The following SYT16 variants were observed in gnomAD, a reference collection of about 807,000 sequenced individuals.
The protein encoded by SYT16 is synaptotagmin-16.
SYT16 carries 42 observed loss-of-function variants against 61.4 expected under a neutral mutation model. That is an observed-to-expected ratio of 0.68 (90% CI 0.53 to 0.89). The LOEUF (loss-of-function observed/expected upper bound fraction) is 0.89. Among genes scored for constraint, SYT16 ranks in the 40% least tolerant of loss-of-function variants. The pLI is 0.00. For synonymous variants in SYT16, 314 were observed against 302.3 expected, an observed-to-expected ratio of 1.04 and a Z score of -0.40; for missense variants, 804 against 807.3, an observed-to-expected ratio of 1.00 and a Z score of 0.05.
chr14:61,993,378 A>G (rs1307913736), intron 2 of SYT16, among the ~76,000 whole-genome samples: 1 of 152,152 alleles, frequency 6.6e-6, no homozygotes, highest in Non-Finnish European at 1.5e-5. Flanking sequence ...ATGTATACCT[A>G]TGTAACAAAC....
chr14:62,050,447 C>G (rs1371031935), intron 3 of SYT16, among the ~76,000 whole-genome samples: 1 of 152,082 alleles, frequency 6.6e-6, no homozygotes, highest in Non-Finnish European at 1.5e-5. Flanking sequence ...GTAGTTTGAT[C>G]TTCTGAAGAC....
chr14:62,067,052 G>T (rs1273162556), intron 3 of SYT16, among the ~76,000 whole-genome samples: 4 of 152,104 alleles, frequency 2.6e-5, no homozygotes, highest in African/African-American at 9.7e-5. Context: ...CCTGACTAGT[G>T]TATATAGGGG....
chr14:61,906,049 CCAGCCATGGA>C (rs1361448814), intron 1 of SYT16, among the ~76,000 whole-genome samples: 4 of 152,202 alleles, frequency 2.6e-5, no homozygotes, highest in African/African-American at 9.7e-5. Flanking sequence ...GCCACCGCGC[CCAGCCATGGA>C]CTTCTCTTAT....
At chr14:61,988,218 T>C (rs543451091) in intron 2 of SYT16, among the ~76,000 whole-genome samples, 1 of 152,304 alleles carries the variant, frequency 6.6e-6, no homozygotes, top group South Asian at 2.1e-4. Flanking sequence ...CTCATTTTGG[T>C]TGGGGTTTTA....
At chr14:62,044,664 G>A (rs1280355934) in intron 3 of SYT16, among the ~76,000 whole-genome samples, 1 of 152,136 alleles carries the variant, frequency 6.6e-6, no homozygotes, top group Non-Finnish European at 1.5e-5. Flanking sequence ...ATATTCCATT[G>A]TGTATATGTG....
intron 5 of SYT16, among the ~76,000 whole-genome samples, chr14:62,075,674 GCTTTT>G (rs36209930): frequency 0.24 from 36,131 of 150,342 alleles, 4,439 homozygotes; most frequent in South Asian, 0.34. Flanking sequence ...GAACAGCCAG[GCTTTT>G]CTTTTATATA....
intron 1 of SYT16, among the ~76,000 whole-genome samples, chr14:61,940,537 C>T (rs577897554): frequency 4.6e-4 from 70 of 152,258 alleles, no homozygotes; most frequent in Non-Finnish European, 9.0e-4. Flanking sequence ...TTGGATAAGT[C>T]ATTCTCTAAG....
chr14:61,864,653 C>A (rs534835869), intron 1 of SYT16, among the ~76,000 whole-genome samples: 1 of 152,246 alleles, frequency 6.6e-6, no homozygotes, highest in Non-Finnish European at 1.5e-5. Flanking sequence ...GAGTGCGGTA[C>A]TCTCAGGCCC....
intron 1 of SYT16, among the ~76,000 whole-genome samples, chr14:61,874,352 C>A (rs1213000902): frequency 6.6e-6 from 1 of 152,136 alleles, no homozygotes; most frequent in Non-Finnish European, 1.5e-5. Flanking sequence ...GATGTGAATG[C>A]CACATATCTG....
At chr14:62,032,144 A>C (rs1386959884) in intron 3 of SYT16, among the ~76,000 whole-genome samples, 1 of 152,196 alleles carries the variant, frequency 6.6e-6, no homozygotes, top group Admixed American at 6.6e-5. Context: ...AAAAGAAAGC[A>C]TGTGACATTG....
Position 62,111,139 on chromosome 14 carries a change from C to T in SYT16, c.*10432C>T, listed in dbSNP as rs1431501918. The T allele has an allele frequency of 6.6e-6, 1 of 152,090 alleles. No individual in the cohort carries two copies. Among genetic ancestry groups the T allele is most frequent in the African/African-American group, 2.4e-5 (1 of 41,460 alleles). The allele number at this position is 152,090 out of a possible 1,614,324, so 9.4% of individuals were successfully genotyped here. A position where few individuals can be genotyped will look rare whatever the true frequency, so the allele number is the denominator to read the frequency against. ...GGCATCTGAAACAGTTGTTCACATT[C>T]ACACATTTATGTTTCACCATATGCA... On this transcript the variant is annotated 3_prime_UTR_variant, in exon 8 of 8. Transcript: ENST00000683842.
At chr14:61,890,389 G>A (rs968834535) in intron 1 of SYT16, among the ~76,000 whole-genome samples, 4 of 151,844 alleles carry the variant, frequency 2.6e-5, no homozygotes, top group African/African-American at 4.8e-5. Flanking sequence ...GAGGGACAAG[G>A]ATTCAGGTTC....
intron 3 of SYT16, among the ~76,000 whole-genome samples, chr14:62,053,067 G>A (rs574259452): frequency 5.9e-5 from 9 of 152,220 alleles, no homozygotes; most frequent in South Asian, 4.1e-4. Flanking sequence ...GCTAGAAGAC[G>A]CCAAAATTGT....
chr14:61,931,046 C>T (rs2049745158), intron 1 of SYT16, among the ~76,000 whole-genome samples: 1 of 152,216 alleles, frequency 6.6e-6, no homozygotes, highest in Admixed American at 6.5e-5. Flanking sequence ...TAATTTGCTA[C>T]AGCAGCAATA....
intron 1 of SYT16, among the ~76,000 whole-genome samples, chr14:61,838,828 C>A (rs770679344): frequency 2.0e-5 from 3 of 152,124 alleles, no homozygotes; most frequent in Non-Finnish European, 4.4e-5. Context: ...GAAGAAAGTA[C>A]AAATTAATAT....
At chr14:62,008,631 CTTTTTTT>C (rs374026559) in intron 3 of SYT16, among the ~76,000 whole-genome samples, 2 of 134,946 alleles carry the variant, frequency 1.5e-5, no homozygotes, top group Non-Finnish European at 3.2e-5. Context: ...TTTCTGTTTT[CTTTTTTT>C]TTTTTTTTTG....
At chr14:61,938,027 A>ACACACACACACACACAC (rs2050054231) in intron 1 of SYT16, among the ~76,000 whole-genome samples, 1 of 1,064 alleles carries the variant, frequency 9.4e-4, no homozygotes, top group Non-Finnish European at 1.7e-3. Context: ...CTACCCCGCA[A>ACACACACACACACACAC]CACACACACA....
intron 3 of SYT16, among the ~76,000 whole-genome samples, chr14:62,029,512 C>T (rs1187416770): frequency 6.6e-6 from 1 of 152,176 alleles, no homozygotes; most frequent in East Asian, 1.9e-4. Flanking sequence ...TCATTTGGAA[C>T]TCTAAAAATG....
At chr14:61,818,783 A>C (rs1428394156) in intron 1 of SYT16, among the ~76,000 whole-genome samples, 1 of 152,182 alleles carries the variant, frequency 6.6e-6, no homozygotes, top group Non-Finnish European at 1.5e-5. Context: ...ACTTGTTTTA[A>C]GTTTGAAAAG....
Sources: gnomAD v4.1 joint callset for allele counts (sites outside exome capture counted in the v4.1 genomes callset) on GRCh38, gnomAD v4.1.1 for gene constraint, MANE v1.5 for transcripts, NCBI Gene and HGNC (gene_info 2026-07-23, HGNC 2026-07-21) for gene names.